The following NAV1 variants were observed in gnomAD, a reference collection of about 807,000 sequenced individuals.
NAV1 encodes neuron navigator 1.
A neutral mutation model predicts 175.2 loss-of-function variants in NAV1; 18 were observed. That is an observed-to-expected ratio of 0.10 (90% CI 0.07 to 0.15). The LOEUF is 0.15. NAV1 is among the 10% of genes least tolerant of loss of function. The probability of loss-of-function intolerance (pLI) is 1.00; values close to 1 mark genes in which losing one functional copy is unlikely to be tolerated. For synonymous variants in NAV1, 897 were observed against 978.7 expected (o/e 0.92, Z 1.56); for missense variants, 1,731 against 2,436.6 (o/e 0.71, Z 6.10).
At chr1:201,688,930 C>T (rs1670788259) in intron 1 of NAV1, among the ~76,000 whole-genome samples, 1 of 152,198 alleles carries the variant, frequency 6.6e-6, no homozygotes, top group Admixed American at 6.5e-5. Flanking sequence ...GTGTTGCCTG[C>T]TCCACATGCA....
At chr1:201,698,691 G>A (rs1354462963) in intron 1 of NAV1, among the ~76,000 whole-genome samples, 1 of 152,212 alleles carries the variant, frequency 6.6e-6, no homozygotes, top group East Asian at 1.9e-4. Flanking sequence ...CACAACAGTG[G>A]CATCTTCAGA....
chr1:201,652,787 G>A (rs957128062), intron 1 of NAV1, among the ~76,000 whole-genome samples: 4 of 152,190 alleles, frequency 2.6e-5, no homozygotes, highest in Non-Finnish European at 5.9e-5. Context: ...TATTAATACA[G>A]CGCAATAGAA....
At chr1:201,660,152 G>A (rs527476) in intron 1 of NAV1, among the ~76,000 whole-genome samples, 69,526 of 151,998 alleles carry the variant, frequency 0.46, 16,545 homozygotes, top group East Asian at 0.64. Context: ...TGCAGCACCC[G>A]GGAAAGAGAG....
chr1:201,799,075 CAAAAAAAA>C (rs1425440408), intron 15 of NAV1, among the ~76,000 whole-genome samples: 6 of 148,862 alleles, frequency 4.0e-5, no homozygotes, highest in South Asian at 4.2e-4. Context: ...CATCCATCTT[CAAAAAAAA>C]GAAAAAAAGA....
chr1:201,743,843 G>A (rs1042228792), intron 3 of NAV1, among the ~76,000 whole-genome samples: 6 of 152,052 alleles, frequency 3.9e-5, no homozygotes, highest in African/African-American at 9.7e-5. Context: ...TTCCTGGTTC[G>A]GATAGCAATT....
At position 201,539,538 on chromosome 1, in the gene NAV1, T is replaced by C. The variant is rs1665440290; in HGVS notation, c.-144+196T>C. On this transcript the variant is annotated intron_variant, in intron 1 of 33. Coordinates refer to the NAV1 transcript ENST00000685211. The surrounding 1 kb of genome is among the most constrained non-coding windows in gnomAD (Gnocchi z 5.6). ...AATAACAACCAAGATGCTCGCGGCT[T>C]CCCGGGAAGGTGTGTGCCCTTTCGA... Among the ~76,000 whole-genome samples the C allele has an allele frequency of 1.3e-5, 2 of 152,022 alleles. No homozygotes were observed. The highest frequency in any genetic ancestry group is 6.5e-5 in the Admixed American group (1 of 15,274).
intron 2 of NAV1, among the ~76,000 whole-genome samples, chr1:201,640,073 C>T (rs945589658): frequency 6.6e-6 from 1 of 152,084 alleles, no homozygotes; most frequent in Non-Finnish European, 1.5e-5. Flanking sequence ...GAGGGCAGAC[C>T]GAGGCCCATG....
At chr1:201,582,858 C>T (rs58877831) in intron 1 of NAV1, among the ~76,000 whole-genome samples, 177 of 152,332 alleles carry the variant, frequency 1.2e-3, no homozygotes, top group African/African-American at 4.1e-3. Context: ...GGAGCCAGGT[C>T]TATTACACCC....
rs147935654 is a variant in NAV1, at chr1:201,806,173, C to T, written c.3648+1676C>T. Among the ~76,000 whole-genome samples the T allele has an allele frequency of 5.7e-4, 86 of 152,024 alleles. No individual in the cohort carries two copies. The East Asian group carries it at 0.016, about 29-fold the overall frequency. ...CTAATTTTTGTATTTTTAGTAGAGA[C>T]GCGGTTTCACCATCTCGGCCAGGCT... is the stretch of plus-strand genomic sequence containing the variant. On this transcript the variant is annotated intron_variant, in intron 17 of 29. Transcript: ENST00000367296.
intron 1 of NAV1, among the ~76,000 whole-genome samples, chr1:201,666,969 C>G (rs1303955004): frequency 6.6e-6 from 1 of 152,152 alleles, no homozygotes; most frequent in African/African-American, 2.4e-5. Context: ...TGCTCCCTCT[C>G]CATGAAGCCA....
At chr1:201,736,184 A>T (rs746127199) in intron 3 of NAV1, among the ~76,000 whole-genome samples, 106 of 152,260 alleles carry the variant, frequency 7.0e-4, no homozygotes, top group Non-Finnish European at 1.2e-3. Flanking sequence ...CTTATGATTG[A>T]TGGGAACGAG....
chr1:201,557,454 C>T (rs947654224), intron 1 of NAV1, among the ~76,000 whole-genome samples: 4 of 152,284 alleles, frequency 2.6e-5, no homozygotes, highest in African/African-American at 9.6e-5. Context: ...ACATTTACTC[C>T]CCATGGGGAG....
rs928218358 is a variant in NAV1 at position 201,716,516 on chromosome 1, C to G, written c.861-1874C>G. Among the ~76,000 whole-genome samples, 3 of 152,270 alleles carry G rather than the reference C, an allele frequency of 2.0e-5. No individual in the cohort carries two copies. The South Asian group carries it at 6.2e-4, about 32-fold the overall frequency. ...GTCCAAGGAGATGTGATGTCTAGGTCCACAGTAATTAGAAGCCGAAACAAG... is the reference window on the plus strand; with the variant it reads ...GTCCAAGGAGATGTGATGTCTAGGTGCACAGTAATTAGAAGCCGAAACAAG... On this transcript the variant is annotated intron_variant, in intron 2 of 29. Coordinates refer to ENST00000367296, the Ensembl canonical transcript of NAV1.
At chr1:201,658,254 G>A (rs1037658133) in intron 1 of NAV1, among the ~76,000 whole-genome samples, 2 of 152,130 alleles carry the variant, frequency 1.3e-5, no homozygotes, top group Non-Finnish European at 2.9e-5. Context: ...GTTCTGAAAG[G>A]CTGGATGAGG....
chr1:201,684,012 T>C (rs1670570933), intron 1 of NAV1, among the ~76,000 whole-genome samples: 1 of 152,240 alleles, frequency 6.6e-6, no homozygotes, highest in Admixed American at 6.5e-5. Context: ...AATCCAGTTC[T>C]ACATTTTTTA....
intron 1 of NAV1, among the ~76,000 whole-genome samples, chr1:201,554,615 C>CA (rs1363548660): frequency 6.6e-6 from 1 of 152,140 alleles, no homozygotes; most frequent in Non-Finnish European, 1.5e-5. Context: ...GGGAGGGACA[C>CA]AACAGAGAGC....
In NAV1 at chr1:201,648,630, G is replaced by T. The variant is rs1345964665; in HGVS notation, c.-39G>T. 5 of 1,290,958 alleles carry T rather than the reference G, an allele frequency of 3.9e-6. No individual in the cohort carries two copies. Among genetic ancestry groups the T allele is most frequent in the Non-Finnish European group, 3.9e-6 (4 of 1,024,356 alleles). 80.0% of individuals were successfully genotyped at this position (1,290,958 alleles called of 1,614,324 possible). A position where few individuals can be genotyped will look rare whatever the true frequency, so the allele number is the denominator to read the frequency against. On this transcript the variant is annotated 5_prime_UTR_variant, in exon 1 of 30. Transcript: ENST00000367296. ...CCCCCTGCCCCCTCCCCCCGTGCCT[G>T]CAGACGCGCGGATCGTCCATGCGCT...
intron 1 of NAV1, among the ~76,000 whole-genome samples, chr1:201,668,287 A>C (rs542338344): frequency 6.6e-6 from 1 of 152,160 alleles, no homozygotes; most frequent in Admixed American, 6.5e-5. Context: ...CCCTAATCTG[A>C]TGGCTTTAGC....
upstream of NAV1, among the ~76,000 whole-genome samples, chr1:201,618,444 G>A (rs1668066056): frequency 6.6e-6 from 1 of 152,104 alleles, no homozygotes; most frequent in Non-Finnish European, 1.5e-5. Context: ...CTCCCCAAGA[G>A]CTGCCTATGA....
Sources: allele counts gnomAD v4.1 joint callset (sites outside exome capture counted in the v4.1 genomes callset), GRCh38; gene constraint gnomAD v4.1.1; non-coding constraint Gnocchi (gnomAD v3.1); transcripts MANE v1.5; gene names NCBI Gene and HGNC (gene_info 2026-07-23, HGNC 2026-07-21).